The following TLE1 variants were observed in gnomAD, a reference collection of about 807,000 sequenced individuals.
TLE1 encodes the protein TLE family member 1, transcriptional corepressor, also known as transducin-like enhancer protein 1.
Under a neutral mutation model 89.8 loss-of-function variants are expected in TLE1, and 21 were observed. The ratio of observed to expected loss-of-function variants is 0.23; its 90% CI spans 0.17 to 0.34. The LOEUF (loss-of-function observed/expected upper bound fraction) is 0.34. TLE1 is among the 10% of genes least tolerant of loss of function. The pLI is 1.00. For missense variants in TLE1, 795 were observed against 1,031.2 expected (o/e 0.77, Z 3.14); for synonymous variants, 447 against 407.6 (o/e 1.10, Z -1.16).
chr9:81,590,976 G>C lies in TLE1; in HGVS notation c.1658C>G (p.Thr553Ser). The part of the protein sequence containing the change: ...CTLIVGGEAS[T>S]LSIWDLAAPT... ...AGCCGCCAGGTCCCAAATGGACAAAGTACTGGCTTCCCCTCCCACTATGAG... is the reference window on the plus strand; with the variant it reads ...AGCCGCCAGGTCCCAAATGGACAAACTACTGGCTTCCCCTCCCACTATGAG... Residue 553 changes from threonine (T) to serine (S), a missense_variant, in exon 16 of 20, where the codon ACT (threonine) becomes AGT (serine). Coordinates refer to ENST00000376499, the MANE Select transcript of TLE1 (RefSeq NM_005077.5). 1 of 1,614,274 alleles carries C rather than the reference G, an allele frequency of 6.2e-7. No homozygotes were observed. The highest frequency in any genetic ancestry group is 2.2e-5 in the East Asian group (1 of 44,884).
intron 9 of TLE1, among the ~76,000 whole-genome samples, chr9:81,618,089 C>G (rs956166979): frequency 1.3e-5 from 2 of 152,072 alleles, no homozygotes; most frequent in African/African-American, 4.8e-5. Context: ...TTGAGGCAGG[C>G]TGAAAAAGTC....
At chr9:81,624,859 G>A (rs1177750732) in intron 8 of TLE1, among the ~76,000 whole-genome samples, 2 of 152,094 alleles carry the variant, frequency 1.3e-5, no homozygotes, top group Non-Finnish European at 2.9e-5. Context: ...GCCCACGGAG[G>A]ACATTACAAA....
intron 4 of TLE1, among the ~76,000 whole-genome samples, chr9:81,669,025 A>T (rs1175447563): frequency 6.6e-6 from 1 of 152,136 alleles, no homozygotes; most frequent in Non-Finnish European, 1.5e-5. Context: ...CCAGAAACCA[A>T]ATTTAACCCA....
At chr9:81,665,862 A>ATT (rs10696235) in intron 4 of TLE1, among the ~76,000 whole-genome samples, 6,540 of 147,214 alleles carry the variant, frequency 0.044, 460 homozygotes, top group African/African-American at 0.14. Flanking sequence ...GGCTGCCCTC[A>ATT]TTTTTTTTTT....
intron 16 of TLE1, among the ~76,000 whole-genome samples, chr9:81,588,813 T>C (rs573857788): frequency 6.6e-6 from 1 of 152,210 alleles, no homozygotes; most frequent in African/African-American, 2.4e-5. Flanking sequence ...AAGAACTGCG[T>C]GGGAATTTCA....
At chr9:81,634,356 A>G in intron 6 of TLE1, 55 bp from the exon 7 acceptor site, 1 of 1,384,396 alleles carries the variant, frequency 7.2e-7, no homozygotes, top group South Asian at 1.7e-5. Flanking sequence ...GGTAGTGGTG[A>G]CAGTGATGGC....
At chr9:81,664,294 TG>T (rs1831188549) in intron 4 of TLE1, among the ~76,000 whole-genome samples, 1 of 151,440 alleles carries the variant, frequency 6.6e-6, no homozygotes, top group Non-Finnish European at 1.5e-5. Context: ...GAATAAAAAC[TG>T]TGTACCAAAA....
chr9:81,604,344 G>C (rs138086663), intron 14 of TLE1, among the ~76,000 whole-genome samples: 1 of 152,162 alleles, frequency 6.6e-6, no homozygotes, highest in Admixed American at 6.5e-5. Context: ...GGTGATGTGG[G>C]AACCCTAAAC....
intron 6 of TLE1, among the ~76,000 whole-genome samples, chr9:81,635,771 G>C (rs1268098677): frequency 6.6e-6 from 1 of 152,114 alleles, no homozygotes; most frequent in Non-Finnish European, 1.5e-5. Flanking sequence ...ACAGTTCCCA[G>C]CCTCAAAAGT....
At chr9:81,662,069 C>T (rs1262176813) in intron 4 of TLE1, among the ~76,000 whole-genome samples, 4 of 152,144 alleles carry the variant, frequency 2.6e-5, no homozygotes, top group Non-Finnish European at 5.9e-5. Flanking sequence ...GCATTCCATG[C>T]ATGAAGCTGT....
In TLE1 at chr9:81,634,305, T is replaced by C. The variant is rs1255217029; in HGVS notation, c.373-4A>G. On this transcript the variant is annotated splice_polypyrimidine_tract_variant and splice_region_variant and intron_variant, in intron 6 of 19. Transcript: ENST00000376499. Reference sequence around the variant, plus strand: ...GCTGAGCTTGCAACTGCTGCTGCTGTTGGTGGTGGTGGTGAGAGAGAAAAA... The same window carrying C: ...GCTGAGCTTGCAACTGCTGCTGCTGCTGGTGGTGGTGGTGAGAGAGAAAAA... The C allele has an allele frequency of 8.0e-6, 12 of 1,503,084 alleles. No homozygotes were observed. In the Admixed American group the frequency reaches 2.5e-4, roughly 31 times the overall value. The allele number at this position is 1,503,084 out of a possible 1,614,324, so 93.1% of individuals were successfully genotyped here.
intron 4 of TLE1, among the ~76,000 whole-genome samples, chr9:81,658,199 T>G (rs1388845761): frequency 6.6e-6 from 1 of 152,004 alleles, no homozygotes; most frequent in African/African-American, 2.4e-5. Context: ...AATCCTAGCA[T>G]GAGCCACTGT....
intron 4 of TLE1, among the ~76,000 whole-genome samples, chr9:81,672,576 C>A (rs1033208131): frequency 2.6e-5 from 4 of 151,724 alleles, no homozygotes; most frequent in African/African-American, 9.7e-5. Context: ...AGCACCACAA[C>A]TACTCTACTC....
intron 12 of TLE1, among the ~76,000 whole-genome samples, 158 bp from the exon 13 acceptor site, chr9:81,612,117 G>C (rs1443585319): frequency 1.3e-5 from 2 of 152,070 alleles, no homozygotes; most frequent in African/African-American, 4.8e-5. Flanking sequence ...TTATACACTG[G>C]ATCCCTCCTT....
At position 81,585,797 on chromosome 9, in the gene TLE1, G is replaced by C. The variant is rs1828322554; in HGVS notation, c.1978-142C>G. 5 of 999,154 alleles carry C rather than the reference G, an allele frequency of 5.0e-6. No individual in the cohort carries two copies. The East Asian group carries it at 1.3e-4, about 26-fold the overall frequency. The allele number at this position is 999,154 out of a possible 1,614,324, so 61.9% of individuals were successfully genotyped here. A position where few individuals can be genotyped will look rare whatever the true frequency, so the allele number is the denominator to read the frequency against. ...GACTGTGGGGAGGTCCACAGGGCAA[G>C]TGATCTAACGCAGATGAACCAAGTG... is the stretch of plus-strand genomic sequence containing the variant. On this transcript the variant is annotated intron_variant, in intron 17 of 19. Coordinates refer to ENST00000376499, the MANE Select transcript of TLE1 (RefSeq NM_005077.5).
At chr9:81,679,360 A>G (rs1400825953) in intron 4 of TLE1, among the ~76,000 whole-genome samples, 1 of 152,092 alleles carries the variant, frequency 6.6e-6, no homozygotes. Flanking sequence ...CACAAGCAGC[A>G]AATCTGAAAT....
chr9:81,587,836 A>G lies in TLE1; in HGVS notation c.1830-8T>C. On this transcript the variant is annotated splice_region_variant and splice_polypyrimidine_tract_variant and intron_variant, in intron 16 of 19. Coordinates refer to ENST00000376499, the MANE Select transcript of TLE1 (RefSeq NM_005077.5). ...GTGTGGCCCTGGAATTGCCTGATAA[A>G]ACAAACCAGATTGAATAATGATTTC... 1 of 1,612,334 alleles carries G rather than the reference A, an allele frequency of 6.2e-7. No homozygotes were observed. The highest frequency in any genetic ancestry group is 8.5e-7 in the Non-Finnish European group (1 of 1,179,344).
At chr9:81,627,501 G>A (rs182717887) in intron 8 of TLE1, among the ~76,000 whole-genome samples, 44 of 152,230 alleles carry the variant, frequency 2.9e-4, no homozygotes, top group African/African-American at 1.0e-3. Flanking sequence ...GCTTTCCTTT[G>A]AAGGGTTCAC....
At chr9:81,599,925 C>A (rs1241622582) in intron 14 of TLE1, 3 of 512,118 alleles carry the variant, frequency 5.9e-6, no homozygotes, top group East Asian at 2.9e-5. Flanking sequence ...AAGGCAAATA[C>A]AAAACTTCTT....
Sources: allele counts gnomAD v4.1 joint callset (sites outside exome capture counted in the v4.1 genomes callset), GRCh38; gene constraint gnomAD v4.1.1; transcripts MANE v1.5; gene names NCBI Gene and HGNC (gene_info 2026-07-23, HGNC 2026-07-21).